ROCK1: variants seen among roughly 807,000 people sequenced by gnomAD.
ROCK1 encodes the protein Rho associated coiled-coil containing protein kinase 1.
Under a neutral mutation model 196.8 loss-of-function variants are expected in ROCK1, and 36 were observed. That is an observed-to-expected ratio of 0.18 (90% CI 0.14 to 0.24). The LOEUF is 0.24. Among genes scored for constraint, ROCK1 ranks in the 10% least tolerant of loss-of-function variants. The probability of loss-of-function intolerance (pLI) is 1.00; values close to 1 mark genes in which losing one functional copy is unlikely to be tolerated. For synonymous variants in ROCK1, 443 were observed against 515.9 expected, an observed-to-expected ratio of 0.86 and a Z score of 1.91; for missense variants, 920 against 1,562.0, an observed-to-expected ratio of 0.59 and a Z score of 6.93.
At chr18:21,102,907 T>A (rs1222380294) in intron 1 of ROCK1, among the ~76,000 whole-genome samples, 3 of 151,840 alleles carry the variant, frequency 2.0e-5, no homozygotes, top group Non-Finnish European at 4.4e-5. Context: ...CTGAGAAAAT[T>A]TTCAATTTCT....
Position 20,967,896 on chromosome 18 carries a change from T to A in ROCK1, c.3048A>T (p.Lys1016Asn). 1 of 1,584,898 alleles carries A rather than the reference T, an allele frequency of 6.3e-7. No homozygotes were observed. The highest frequency in any genetic ancestry group is 1.7e-4 in the Middle Eastern group (1 of 5,954). ...LAEIMNRKDFKIDRKKANTQD... is the reference protein window; with the variant it reads ...LAEIMNRKDFNIDRKKANTQD... The stretch of plus-strand genomic sequence containing the variant: ...GTGTATTAGCTTTCTTTCTATCAAT[T>A]TTAAAATCTTTTCGATTCATTATTT... Residue 1016 changes from lysine to asparagine, a missense_variant, in exon 26 of 33, where the codon AAA becomes AAT. Lys to Asn is a moderately conservative substitution (Grantham distance 94, BLOSUM62 0). Coordinates refer to ENST00000399799, the MANE Select transcript of ROCK1 (RefSeq NM_005406.3).
intron 2 of ROCK1, among the ~76,000 whole-genome samples, chr18:21,060,698 G>A (rs966431078): frequency 6.6e-6 from 1 of 152,004 alleles, no homozygotes; most frequent in African/African-American, 2.4e-5. Context: ...AATTAGCCGG[G>A]CATTGTGGCG....
chr18:21,056,559 T>C (rs544074478), intron 2 of ROCK1, among the ~76,000 whole-genome samples: 2 of 152,290 alleles, frequency 1.3e-5, no homozygotes, highest in Non-Finnish European at 2.9e-5. Context: ...CATCTCTTCC[T>C]TGGATTACTG....
chr18:21,046,903 C>G (rs188807121), intron 4 of ROCK1, among the ~76,000 whole-genome samples: 231 of 152,168 alleles, frequency 1.5e-3, no homozygotes, highest in African/African-American at 5.3e-3. Context: ...CTCCTGCCCT[C>G]AAGTGATCTT....
At chr18:21,003,442 TATA>T (rs1408603636) in intron 16 of ROCK1, among the ~76,000 whole-genome samples, 1 of 152,188 alleles carries the variant, frequency 6.6e-6, no homozygotes, top group Non-Finnish European at 1.5e-5. Flanking sequence ...TTAGATATTT[TATA>T]ATATTATATA....
In ROCK1 at chr18:20,984,529, T is replaced by G; in HGVS notation, c.2311A>C (p.Asn771His). The change falls in exon 20 of 33, where the codon AAT becomes CAT. Residue 771 changes from asparagine to histidine, a missense_variant. Around this residue, in one of 6 missense-constraint regions of ROCK1, gnomAD observed 520 missense variants for 657.1 expected, o/e 0.79. Coordinates refer to ENST00000399799, the MANE Select transcript of ROCK1 (RefSeq NM_005406.3). ...NKERMEDEVK[N>H]LTLQLEQESN... ...TCCTGCTCCAGTTGCAGGGTTAGAT[T>G]CTTAACCTATGAATGAGAAAAATAA... The G allele has an allele frequency of 6.3e-7, 1 of 1,598,790 alleles. No homozygotes were observed. The highest frequency in any genetic ancestry group is 8.5e-7 in the Non-Finnish European group (1 of 1,175,988).
intron 9 of ROCK1, among the ~76,000 whole-genome samples, chr18:21,036,465 A>C (rs1451649918): frequency 2.0e-5 from 3 of 152,144 alleles, no homozygotes; most frequent in African/African-American, 7.2e-5. Context: ...TTTTCTAAAG[A>C]AACAGTTATT....
At chr18:21,031,152 G>C (rs1034564189) in intron 9 of ROCK1, among the ~76,000 whole-genome samples, 1 of 152,174 alleles carries the variant, frequency 6.6e-6, no homozygotes, top group Non-Finnish European at 1.5e-5. Context: ...CTGGGGGAAA[G>C]AGGAAGAATC....
intron 13 of ROCK1, among the ~76,000 whole-genome samples, chr18:21,011,222 CTGTTA>C (rs1346151008): frequency 1.3e-5 from 2 of 151,982 alleles, no homozygotes; most frequent in African/African-American, 4.8e-5. Flanking sequence ...TGTTTGATCT[CTGTTA>C]TTTCTACATT....
At chr18:21,060,205 ATAACT>A (rs1469415202) in intron 2 of ROCK1, among the ~76,000 whole-genome samples, 2 of 152,252 alleles carry the variant, frequency 1.3e-5, no homozygotes, top group African/African-American at 4.8e-5. Context: ...CATGTAAATG[ATAACT>A]TAATAAAGTT....
intron 9 of ROCK1, among the ~76,000 whole-genome samples, chr18:21,031,623 A>G (rs2036008342): frequency 6.7e-6 from 1 of 150,126 alleles, no homozygotes; most frequent in African/African-American, 2.4e-5. Context: ...AAAAAAAAAA[A>G]AAGAAAATAA....
intron 11 of ROCK1, among the ~76,000 whole-genome samples, chr18:21,022,872 G>GTA (rs988746070): frequency 2.1e-4 from 32 of 152,088 alleles, no homozygotes; most frequent in African/African-American, 6.3e-4. Context: ...GTGTGTGTGT[G>GTA]TATATATATG....
At chr18:20,986,260 A>G (rs1033212074) in intron 19 of ROCK1, among the ~76,000 whole-genome samples, 2 of 152,146 alleles carry the variant, frequency 1.3e-5, no homozygotes, top group Non-Finnish European at 2.9e-5. Flanking sequence ...TTAAAGTTCT[A>G]TCAAGTTCCT....
At chr18:21,006,854 T>G in intron 14 of ROCK1, 64 bp from the exon 15 acceptor site, 1 of 1,172,506 alleles carries the variant, frequency 8.5e-7, no homozygotes, top group South Asian at 1.5e-5. Context: ...ATATAAATCC[T>G]TTTTTAAAAA....
chr18:20,981,553 T>C (rs1046170347), intron 21 of ROCK1, among the ~76,000 whole-genome samples: 6 of 152,220 alleles, frequency 3.9e-5, no homozygotes, highest in South Asian at 4.1e-4. Flanking sequence ...ATTGTGTTAG[T>C]TGCTGAAGTT....
rs2035139651 is a variant in ROCK1, at chr18:20,947,440, A to G, written c.*3944T>C. The stretch of plus-strand genomic sequence containing the variant: ...AAGCATAAAAGATTTGGCAGTAAAT[A>G]TATCTAGGCCATTGAGCATGGCTTT... On this transcript the variant is annotated 3_prime_UTR_variant, in exon 33 of 33. Coordinates refer to ENST00000399799, the MANE Select transcript of ROCK1 (RefSeq NM_005406.3). The G allele has an allele frequency of 6.6e-6, 1 of 152,176 alleles. No individual in the cohort carries two copies. The highest frequency in any genetic ancestry group is 2.4e-5 in the African/African-American group (1 of 41,434). 9.4% of individuals were successfully genotyped at this position (152,176 alleles called of 1,614,324 possible).
chr18:21,041,858 G>GA (rs1210761386), intron 8 of ROCK1, among the ~76,000 whole-genome samples: 1 of 151,900 alleles, frequency 6.6e-6, no homozygotes, highest in Admixed American at 6.6e-5. Context: ...AACAATAAAA[G>GA]AAAAAAGTCA....
chr18:21,061,388 A>AT (rs1459977099), intron 2 of ROCK1, among the ~76,000 whole-genome samples: 1 of 152,110 alleles, frequency 6.6e-6, no homozygotes, highest in Non-Finnish European at 1.5e-5. Context: ...CCTTAAATGC[A>AT]TTTTTGCTAA....
intron 32 of ROCK1, among the ~76,000 whole-genome samples, chr18:20,952,910 G>A (rs2035204317): frequency 6.6e-6 from 1 of 152,112 alleles, no homozygotes; most frequent in Non-Finnish European, 1.5e-5. Flanking sequence ...ACTCGTAAGT[G>A]GGAGTTGAAC....
Sources: gnomAD v4.1 joint callset for allele counts (sites outside exome capture counted in the v4.1 genomes callset) on GRCh38, gnomAD v4.1.1 for gene constraint, gnomAD v4.1.1 regional missense constraint, MANE v1.5 for transcripts, NCBI Gene and HGNC (gene_info 2026-07-23, HGNC 2026-07-21) for gene names.